Variants in DSP observed in about 807,000 individuals in gnomAD.
DSP encodes the protein 250/210 kDa paraneoplastic pemphigus antigen.
DSP carries 114 observed loss-of-function variants against 290.6 expected under a neutral mutation model. The ratio of observed to expected loss-of-function variants is 0.39; its 90% CI spans 0.34 to 0.46. DSP has a LOEUF of 0.46. DSP is among the 20% of genes least tolerant of loss of function. DSP has a pLI of 0.99. For missense variants in DSP, 3,230 were observed against 3,495.8 expected, an observed-to-expected ratio of 0.92 and a Z score of 1.92; for synonymous variants, 1,311 against 1,316.4, an observed-to-expected ratio of 1.00 and a Z score of 0.09.
At chr6:7,562,622 AG>A in intron 4 of DSP, 29 bp from the exon 5 acceptor site, 1 of 1,613,646 alleles carries the variant, frequency 6.2e-7, no homozygotes, top group Non-Finnish European at 8.5e-7. Context: ...GCAACAACAA[AG>A]GGCGCCTCTC....
chr6:7,564,029 C>T (rs1758785496), intron 6 of DSP, among the ~76,000 whole-genome samples: 1 of 152,178 alleles, frequency 6.6e-6, no homozygotes. Context: ...AACTCCTGAC[C>T]TCAAGTGATC....
At position 7,570,558 on chromosome 6, in the gene DSP, G is replaced by A. The variant is rs148147581; in HGVS notation, c.1696G>A (p.Ala566Thr). 3.0e-4 allele frequency: 488 copies of A among 1,612,928 alleles called. No individual in the cohort carries two copies. The highest frequency in any genetic ancestry group is 3.7e-4 in the Non-Finnish European group (439 of 1,179,996). The stretch of plus-strand genomic sequence containing the variant: ...AGAGAAGATCAGGGCCATGACAATC[G>A]CCAAGGTATGTCCTCAGGGCCACTT... ...DIEKIRAMTIAKLKTMRQEDY... is the reference protein window; with the variant it reads ...DIEKIRAMTITKLKTMRQEDY... Residue 566 changes from alanine (A) to threonine (T), a missense_variant, in exon 13 of 24, where the codon GCC becomes ACC. Physicochemically the swap from Ala to Thr is moderately conservative, Grantham distance 58 (BLOSUM62 0). This residue lies in a region of DSP where 81 missense variants were observed against 130.5 expected (regional missense o/e 0.62). Coordinates refer to ENST00000379802, the MANE Select transcript of DSP (RefSeq NM_004415.4).
intron 4 of DSP, among the ~76,000 whole-genome samples, chr6:7,560,549 T>C (rs918101475): frequency 6.6e-6 from 1 of 152,196 alleles, no homozygotes; most frequent in African/African-American, 2.4e-5. Context: ...GGTACAAAGA[T>C]TATGGTCCCT....
Position 7,582,561 on chromosome 6 carries a change from C to G in DSP, c.5380-81C>G. 8.0e-7 allele frequency: 1 copy of G among 1,253,604 alleles called. No homozygotes were observed. Among genetic ancestry groups the G allele is most frequent in the Non-Finnish European group, 1.1e-6 (1 of 873,192 alleles). The allele number at this position is 1,253,604 out of a possible 1,614,324, so 77.7% of individuals were successfully genotyped here. A position where few individuals can be genotyped will look rare whatever the true frequency, so the allele number is the denominator to read the frequency against. ...GCTTTTTTTTTTAAAGATAGATACACAAAAGAAAGTTAAGTCGTGATAGTA... is the reference window on the plus strand; with the variant it reads ...GCTTTTTTTTTTAAAGATAGATACAGAAAAGAAAGTTAAGTCGTGATAGTA... On this transcript the variant is annotated intron_variant, in intron 23 of 23. Transcript: ENST00000379802. The surrounding 1 kb of genome is among the most constrained non-coding windows in gnomAD (Gnocchi z 4.2).
rs1394590334 is a variant in DSP at position 7,580,874 on chromosome 6, T to C, written c.4684T>C (p.Ser1562Pro). 7 of 1,613,924 alleles carry C rather than the reference T, an allele frequency of 4.3e-6. No homozygotes were observed. The highest frequency in any genetic ancestry group is 4.0e-5 in the African/African-American group (3 of 74,856). ...CCAGGATATCACGCGGTTCCAGAAC[T>C]CTCTGAAAGAGCTGCAGCTGCAGAA... ...KDQDITRFQN[S>P]LKELQLQKQK... The change falls in exon 23 of 24, where the codon TCT becomes CCT. Residue 1562 changes from serine (S) to proline (P), a missense_variant. By Grantham distance (74) the Ser-to-Pro change is moderately conservative (BLOSUM62 -1). Around this residue, in one of 5 missense-constraint regions of DSP, gnomAD observed 1,714 missense variants for 1,844.5 expected, o/e 0.93. Transcript: ENST00000379802. This position sits in a 1 kb window ranked among gnomAD's most constrained non-coding sequence, Gnocchi z 4.2.
intron 3 of DSP, among the ~76,000 whole-genome samples, chr6:7,558,907 T>A (rs895618839): frequency 2.6e-5 from 4 of 152,132 alleles, no homozygotes; most frequent in Non-Finnish European, 5.9e-5. Flanking sequence ...TCTGAATTTG[T>A]TCTACTACTA....
chr6:7,558,320 C>T (rs1758567526), intron 3 of DSP, 56 bp downstream of exon 3: 4 of 1,579,244 alleles, frequency 2.5e-6, no homozygotes, highest in Non-Finnish European at 3.4e-6. Context: ...CACCACATAA[C>T]CAGTTACACT....
At chr6:7,552,265 A>C (rs1254045693) in intron 1 of DSP, among the ~76,000 whole-genome samples, 8 of 152,166 alleles carry the variant, frequency 5.3e-5, no homozygotes, top group Non-Finnish European at 7.3e-5. Context: ...GGATATCAGG[A>C]ACATATGAGA....
rs1243531372 is a variant in DSP at position 7,581,415 on chromosome 6, A to G, written c.5225A>G (p.Asp1742Gly). 1.2e-6 allele frequency: 2 copies of G among 1,613,338 alleles called. No homozygotes were observed. Among genetic ancestry groups the G allele is most frequent in the Admixed American group, 3.3e-5 (2 of 59,810 alleles). Residue 1742 changes from aspartate to glycine, a missense_variant, in exon 23 of 24, where the codon GAC becomes GGC. Asp to Gly is a moderately conservative substitution (Grantham distance 94). This residue lies in a region of DSP where 1,714 missense variants were observed against 1,844.5 expected (regional missense o/e 0.93). Transcript: ENST00000379802. ...DDLRRGRSEA[D>G]SDKNATILEL... ...CTGAGGAGAGGACGAAGCGAAGCGG[A>G]CAGTGATAAAAATGCAACCATCTTG...
chr6:7,574,738 G>A lies in DSP; in HGVS notation c.2379G>A (p.Glu793=), dbSNP rs201088527. 10 of 1,614,156 alleles carry A rather than the reference G, an allele frequency of 6.2e-6. No homozygotes were observed. In the Admixed American group the frequency reaches 1.2e-4, roughly 19 times the overall value. The change falls in exon 17 of 24, where the codon GAG becomes GAA. Residue 793 remains glutamate (E), a synonymous_variant. Transcript: ENST00000379802. ...MLKVYEARLT[E]EETVCLDLDK... is the part of the protein sequence containing the mutation. ...AGGTTTATGAAGCCAGGCTCACTGA[G>A]GAGGAAACTGTCTGCCTGGACCTGG... is the stretch of plus-strand genomic sequence containing the variant.
Position 7,579,530 on chromosome 6 carries a change from C to A in DSP, c.3340C>A (p.Leu1114Met). The A allele has an allele frequency of 1.5e-5, 24 of 1,613,920 alleles. No homozygotes were observed. Among genetic ancestry groups the A allele is most frequent in the Non-Finnish European group, 1.9e-5 (23 of 1,180,024 alleles). ...AGAACTCAATGAGAAGATCACCCGACTGACTTATGAGATTGAAGATGAAAA... is the reference window on the plus strand; with the variant it reads ...AGAACTCAATGAGAAGATCACCCGAATGACTTATGAGATTGAAGATGAAAA... Reference protein sequence around the residue: ...IKELNEKITRLTYEIEDEKRR... With the variant: ...IKELNEKITRMTYEIEDEKRR... The change falls in exon 23 of 24, where the codon CTG becomes ATG. Residue 1114 changes from leucine to methionine, a missense_variant. Coordinates refer to ENST00000379802, the MANE Select transcript of DSP (RefSeq NM_004415.4). This position sits in a 1 kb window ranked among gnomAD's most constrained non-coding sequence, Gnocchi z 4.1.
At chr6:7,551,108 C>T (rs1027994961) in intron 1 of DSP, among the ~76,000 whole-genome samples, 16 of 151,938 alleles carry the variant, frequency 1.1e-4, no homozygotes, top group African/African-American at 3.4e-4. Flanking sequence ...TTACCATGAA[C>T]TTAACATAGA....
rs762596346 is a variant in DSP at position 7,565,339 on chromosome 6, C to T, written c.778-20C>T. ...ACTGCATATTGTTATTTTAATGCTGCCTTTGAACCTCCTGTGCAGAAAGCG... is the reference window on the plus strand; with the variant it reads ...ACTGCATATTGTTATTTTAATGCTGTCTTTGAACCTCCTGTGCAGAAAGCG... On this transcript the variant is annotated intron_variant, in intron 6 of 23. Transcript: ENST00000379802. The surrounding 1 kb of genome is among the most constrained non-coding windows in gnomAD (Gnocchi z 4.2). 2.9e-5 allele frequency: 47 copies of T among 1,613,544 alleles called. No homozygotes were observed. Among genetic ancestry groups the T allele is most frequent in the Non-Finnish European group, 3.5e-5 (41 of 1,179,910 alleles).
At position 7,571,500 on chromosome 6, in the gene DSP, A is replaced by G; in HGVS notation, c.1819A>G (p.Lys607Glu). The G allele has an allele frequency of 6.2e-7, 1 of 1,614,244 alleles. No homozygotes were observed. The highest frequency in any genetic ancestry group is 8.5e-7 in the Non-Finnish European group (1 of 1,180,050). ...SEMFGDDDKR[K>E]IQSQFTDAQK... is the part of the protein sequence containing the mutation. ...GATGTTTGGAGATGATGACAAGCGG[A>G]AAATACAGTCTCAGTTCACCGATGC... The change falls in exon 14 of 24, where the codon AAA (lysine) becomes GAA (glutamate). Residue 607 changes from lysine to glutamate, a missense_variant. Coordinates refer to ENST00000379802, the MANE Select transcript of DSP (RefSeq NM_004415.4).
intron 1 of DSP, 51 bp downstream of exon 1, chr6:7,542,136 G>C: frequency 6.5e-7 from 1 of 1,547,100 alleles, no homozygotes; most frequent in Non-Finnish European, 8.7e-7. Context: ...GGACAGGGAG[G>C]GACCGTCCTC....
Position 7,565,318 on chromosome 6 carries a change from C to T in DSP, c.778-41C>T. On this transcript the variant is annotated intron_variant, in intron 6 of 23. Transcript: ENST00000379802. The surrounding 1 kb of genome is among the most constrained non-coding windows in gnomAD (Gnocchi z 4.2). ...AACCTGCAGAGAACACCAGTCACTG[C>T]ATATTGTTATTTTAATGCTGCCTTT... is the stretch of plus-strand genomic sequence containing the variant. 1 of 1,611,602 alleles carries T rather than the reference C, an allele frequency of 6.2e-7. No individual in the cohort carries two copies. Among genetic ancestry groups the T allele is most frequent in the Non-Finnish European group, 8.5e-7 (1 of 1,178,640 alleles).
intron 5 of DSP, among the ~76,000 whole-genome samples, chr6:7,563,253 A>G (rs1272060001): frequency 6.6e-6 from 1 of 152,020 alleles, no homozygotes; most frequent in African/African-American, 2.4e-5. Flanking sequence ...ACAGCATAAA[A>G]TCATAACTGA....
In DSP at chr6:7,583,574, A is replaced by G. The variant is rs776483455; in HGVS notation, c.6312A>G (p.Thr2104=). The change falls in exon 24 of 24, where the codon ACA becomes ACG. Residue 2104 remains threonine, a synonymous_variant. Transcript: ENST00000379802. The surrounding 1 kb of genome is among the most constrained non-coding windows in gnomAD (Gnocchi z 4.0). The stretch of plus-strand genomic sequence containing the variant: ...TTGATGATCCATTTTCAGGCAAGAC[A>G]GTATCTGTTTCAGAAGCCATCAAGA... ...TGFDDPFSGK[T]VSVSEAIKKN... is the part of the protein sequence containing the mutation. 1 of 1,614,242 alleles carries G rather than the reference A, an allele frequency of 6.2e-7. No individual in the cohort carries two copies. Among genetic ancestry groups the G allele is most frequent in the Non-Finnish European group, 8.5e-7 (1 of 1,180,042 alleles).
Position 7,585,944 on chromosome 6 carries a change from TAGAAA to T in DSP, c.*73_*77del, listed in dbSNP as rs1380361437. ...TATGAATTTCCACTTTATTAAATAA[TAGAAA>T]AGAAAATCCCGGTGCTTGCAGTAGA... On this transcript the variant is annotated 3_prime_UTR_variant, in exon 24 of 24. Transcript: ENST00000379802. 1 of 1,515,190 alleles carries T rather than the reference TAGAAA, an allele frequency of 6.6e-7. No individual in the cohort carries two copies. Among genetic ancestry groups the T allele is most frequent in the Admixed American group, 1.7e-5 (1 of 58,840 alleles). The allele number at this position is 1,515,190 out of a possible 1,614,324, so 93.9% of individuals were successfully genotyped here. A position where few individuals can be genotyped will look rare whatever the true frequency, so the allele number is the denominator to read the frequency against.
Sources: gnomAD v4.1 joint callset for allele counts (sites outside exome capture counted in the v4.1 genomes callset) on GRCh38, gnomAD v4.1.1 for gene constraint, gnomAD v4.1.1 regional missense constraint, Gnocchi (gnomAD v3.1) non-coding constraint, MANE v1.5 for transcripts, NCBI Gene and HGNC (gene_info 2026-07-23, HGNC 2026-07-21) for gene names.